CDKAL1: variants seen among roughly 807,000 people sequenced by gnomAD.
The protein encoded by CDKAL1 is CDKAL1 threonylcarbamoyladenosine tRNA methylthiotransferase.
CDKAL1 carries 32 observed loss-of-function variants against 68.2 expected under a neutral mutation model. The ratio of observed to expected loss-of-function variants is 0.47; its 90% CI spans 0.35 to 0.63. The LOEUF is 0.63. Among genes scored for constraint, CDKAL1 ranks in the 30% least tolerant of loss-of-function variants. CDKAL1 has a pLI of 0.00. For missense variants in CDKAL1, 606 were observed against 696.7 expected, an observed-to-expected ratio of 0.87 and a Z score of 1.47; for synonymous variants, 234 against 244.3, an observed-to-expected ratio of 0.96 and a Z score of 0.39.
chr6:21,095,058 A>G (rs1582187045), intron 12 of CDKAL1, among the ~76,000 whole-genome samples: 1 of 152,278 alleles, frequency 6.6e-6, no homozygotes, highest in East Asian at 1.9e-4. Context: ...CAGTATACGC[A>G]ATAAGTGGAT....
At chr6:20,556,413 C>T (rs1764045984) in intron 4 of CDKAL1, among the ~76,000 whole-genome samples, 1 of 151,952 alleles carries the variant, frequency 6.6e-6, no homozygotes, top group African/African-American at 2.4e-5. Context: ...GCAGTGTCAG[C>T]AGAGTGCTAC....
chr6:21,150,368 C>T (rs571046911), intron 13 of CDKAL1, among the ~76,000 whole-genome samples: 11 of 152,166 alleles, frequency 7.2e-5, no homozygotes, highest in Non-Finnish European at 1.6e-4. Flanking sequence ...CTGATGCCTC[C>T]TTAGCGATTG....
intron 9 of CDKAL1, among the ~76,000 whole-genome samples, chr6:20,893,072 A>C (rs142011065): frequency 8.5e-5 from 13 of 152,310 alleles, no homozygotes; most frequent in African/African-American, 1.4e-4. Context: ...TGAAAGCAGA[A>C]TAGCATTACC....
intron 5 of CDKAL1, among the ~76,000 whole-genome samples, chr6:20,673,258 G>C (rs937615090): frequency 6.8e-6 from 1 of 147,254 alleles, no homozygotes; most frequent in Non-Finnish European, 1.5e-5. Flanking sequence ...CAGATCTGTG[G>C]GGGATTGGTC....
At chr6:20,630,128 C>T (rs1252131632) in intron 4 of CDKAL1, among the ~76,000 whole-genome samples, 2 of 152,146 alleles carry the variant, frequency 1.3e-5, no homozygotes, top group African/African-American at 4.8e-5. Flanking sequence ...CTCGGCCTCC[C>T]AAAGTGCTGG....
chr6:20,901,990 G>T (rs1446798640), intron 9 of CDKAL1, among the ~76,000 whole-genome samples: 1 of 152,056 alleles, frequency 6.6e-6, no homozygotes, highest in East Asian at 1.9e-4. Flanking sequence ...TGGCCAGGAT[G>T]ATCTCAAACT....
chr6:20,715,732 T>G (rs1040664127), intron 5 of CDKAL1, among the ~76,000 whole-genome samples: 19 of 152,230 alleles, frequency 1.2e-4, no homozygotes, highest in African/African-American at 4.1e-4. Flanking sequence ...ATCTTTTGTC[T>G]TTTTGATAAC....
At chr6:20,747,100 T>TC (rs1773696435) in intron 6 of CDKAL1, among the ~76,000 whole-genome samples, 1 of 152,210 alleles carries the variant, frequency 6.6e-6, no homozygotes, top group Admixed American at 6.5e-5. Context: ...CATTTTTTTT[T>TC]CCCAGTGTCT....
intron 10 of CDKAL1, among the ~76,000 whole-genome samples, chr6:20,976,574 C>T (rs1230328839): frequency 6.6e-6 from 1 of 152,054 alleles, no homozygotes; most frequent in African/African-American, 2.4e-5. Flanking sequence ...CACAATGAGC[C>T]TTTACAAATG....
In CDKAL1 at chr6:21,160,273, TG is replaced by T. The variant is rs766681341; in HGVS notation, c.1300-37745del. 6.6e-5 allele frequency among the ~76,000 whole-genome samples: 10 copies of T among 152,228 alleles called. No homozygotes were observed. In the East Asian group the frequency reaches 1.9e-3, roughly 29 times the overall value. ...TTTCATCCCATCTGTTGTTTTCGAA[TG>T]GGAAATAAAGATTTTCTTTTTTTTC... On this transcript the variant is annotated intron_variant, in intron 13 of 15. Coordinates refer to ENST00000274695, the MANE Select transcript of CDKAL1 (RefSeq NM_017774.3).
At chr6:21,115,141 T>G (rs1162904057) in intron 13 of CDKAL1, among the ~76,000 whole-genome samples, 1 of 152,202 alleles carries the variant, frequency 6.6e-6, no homozygotes, top group Non-Finnish European at 1.5e-5. Context: ...ATTTCAGATG[T>G]CACTTACTGA....
chr6:20,932,971 A>G (rs1234625845), intron 9 of CDKAL1, among the ~76,000 whole-genome samples: 1 of 152,176 alleles, frequency 6.6e-6, no homozygotes, highest in South Asian at 2.1e-4. Flanking sequence ...GTTATTATTT[A>G]TCCTCAGGTC....
chr6:21,128,380 CA>C (rs769939727), intron 13 of CDKAL1, among the ~76,000 whole-genome samples: 25 of 152,238 alleles, frequency 1.6e-4, no homozygotes, highest in Middle Eastern at 3.4e-3. Context: ...ATGGGTTTGT[CA>C]GGATGTAACC....
chr6:21,015,947 C>CA (rs776583682), intron 11 of CDKAL1, among the ~76,000 whole-genome samples: 2,565 of 75,372 alleles, frequency 0.034, 58 homozygotes, highest in African/African-American at 0.1. Flanking sequence ...GACTCTGACT[C>CA]AAAAAAAAAA....
chr6:20,591,240 A>C (rs1210442162), intron 4 of CDKAL1, among the ~76,000 whole-genome samples: 1 of 152,052 alleles, frequency 6.6e-6, no homozygotes, highest in African/African-American at 2.4e-5. Context: ...TTCTTTGTAG[A>C]TTCTGGATAT....
At chr6:20,703,605 TATG>T (rs1167195318) in intron 5 of CDKAL1, among the ~76,000 whole-genome samples, 1 of 152,208 alleles carries the variant, frequency 6.6e-6, no homozygotes, top group African/African-American at 2.4e-5. Context: ...GTAAAAATGT[TATG>T]ATGTCTTAGG....
intron 13 of CDKAL1, among the ~76,000 whole-genome samples, chr6:21,134,209 A>C (rs1775467411): frequency 1.3e-5 from 2 of 152,218 alleles, no homozygotes; most frequent in Non-Finnish European, 2.9e-5. Flanking sequence ...CTCCAGATTT[A>C]GGACTGTCAT....
Position 21,046,412 on chromosome 6 carries a change from A to T in CDKAL1, c.1056-18636A>T, listed in dbSNP as rs1770233494. On this transcript the variant is annotated intron_variant, in intron 11 of 15. Transcript: ENST00000274695. ...CCTGGGTATGTAAGAAGAAGGGGGC[A>T]GTGGGTAGTGGGCTCCCTTGGAGCC... Among the ~76,000 whole-genome samples, 3 of 152,320 alleles carry T rather than the reference A, an allele frequency of 2.0e-5. No individual in the cohort carries two copies. The South Asian group carries it at 6.2e-4, about 32-fold the overall frequency.
intron 4 of CDKAL1, among the ~76,000 whole-genome samples, chr6:20,576,319 C>T (rs1764905253): frequency 1.3e-5 from 2 of 152,234 alleles, no homozygotes; most frequent in South Asian, 2.1e-4. Flanking sequence ...GATAGTGACA[C>T]CTATCTTTTA....
Sources: gnomAD v4.1 joint callset for allele counts (sites outside exome capture counted in the v4.1 genomes callset) on GRCh38, gnomAD v4.1.1 for gene constraint, MANE v1.5 for transcripts, NCBI Gene and HGNC (gene_info 2026-07-23, HGNC 2026-07-21) for gene names.